Variants in ZNF717 observed in about 807,000 individuals in gnomAD.
ZNF717 encodes krueppel-like factor X17.
In ZNF717, 9 loss-of-function variants were observed where a neutral mutation model predicts 13.8. The observed-to-expected ratio is 0.65, with a 90% CI of 0.39 to 1.14. The LOEUF (loss-of-function observed/expected upper bound fraction) is 1.14. ZNF717 is among the 50% of genes most tolerant of loss of function. ZNF717 has a pLI of 0.01. For missense variants in ZNF717, 1,040 were observed against 1,080.7 expected, an observed-to-expected ratio of 0.96 and a Z score of 0.53; for synonymous variants, 327 against 364.1, an observed-to-expected ratio of 0.90 and a Z score of 1.16.
intron 2 of ZNF717, among the ~76,000 whole-genome samples, chr3:75,755,403 A>G (rs1942385544): frequency 6.6e-6 from 1 of 152,262 alleles, no homozygotes; most frequent in Non-Finnish European, 1.5e-5. Flanking sequence ...TAACACTAAT[A>G]AAAGGAATGG....
At chr3:75,733,869 GA>G (rs199927677), downstream of ZNF717, among the ~76,000 whole-genome samples, 54,138 of 117,850 alleles carry the variant, frequency 0.46, 9,377 homozygotes, top group South Asian at 0.6. Flanking sequence ...ATGCTGAGAG[GA>G]AAAAAAAAAA....
At chr3:75,727,173 G>C (rs1281826153), downstream of ZNF717, among the ~76,000 whole-genome samples, 1 of 152,256 alleles carries the variant, frequency 6.6e-6, no homozygotes, top group Non-Finnish European at 1.5e-5. Flanking sequence ...ATAAGCTGAG[G>C]ATGTATGTCG....
chr3:75,737,533 G>C lies in ZNF717; in HGVS notation c.2090C>G (p.Thr697Arg), dbSNP rs201345045. The C allele has an allele frequency of 4.2e-6, 6 of 1,430,054 alleles. No individual in the cohort carries two copies. The Admixed American group carries it at 1.2e-4, about 28-fold the overall frequency. The allele number at this position is 1,430,054 out of a possible 1,614,324, so 88.6% of individuals were successfully genotyped here. ...NHTLLYIREL[T>R]PGKSPMNVMN... ...TACATTCATAGGGCTTTTCCCCGGT[G>C]TGAGTTCTCTGATGTATAATAAGGT... is the stretch of plus-strand genomic sequence containing the variant. Residue 697 changes from threonine to arginine, a missense_variant, in exon 5 of 5, where the codon ACA (threonine) becomes AGA (arginine). Thr to Arg is a moderately conservative substitution (Grantham distance 71). Around this residue, in one of 3 missense-constraint regions of ZNF717, gnomAD observed 873 missense variants for 832.8 expected, o/e 1.05. Coordinates refer to ENST00000652011, the MANE Select transcript of ZNF717 (RefSeq NM_001290208.3).
rs142265598 is a variant in ZNF717 at position 75,741,327 on chromosome 3, G to A, written c.226C>T (p.Gln76Ter). ...TCTACTATCCATGGCTCTGCTCCTT[G>A]CTCTAGCTTGAAGATCATCTCAGGT... ...TKPEMIFKLE[Q>*]GAEPWIVEET... Residue 76 changes from glutamine to a stop codon, truncating the protein, a stop_gained, in exon 4 of 5, where the codon CAA (glutamine) becomes TAA (stop). Coordinates refer to ENST00000652011, the MANE Select transcript of ZNF717 (RefSeq NM_001290208.3). LOFTEE classifies it high-confidence loss of function. The A allele has an allele frequency of 1.3e-6, 2 of 1,514,478 alleles. No individual in the cohort carries two copies. The highest frequency in any genetic ancestry group is 1.8e-6 in the Non-Finnish European group (2 of 1,119,278). 93.8% of individuals were successfully genotyped at this position (1,514,478 alleles called of 1,614,324 possible).
chr3:75,748,501 A>G lies in ZNF717; in HGVS notation c.58-6765T>C, dbSNP rs375956272. 1.2e-4 allele frequency among the ~76,000 whole-genome samples: 19 copies of G among 152,254 alleles called. No homozygotes were observed. In the East Asian group the frequency reaches 1.4e-3, roughly 11 times the overall value. On this transcript the variant is annotated intron_variant, in intron 2 of 4. Transcript: ENST00000652011. ...AAAAAGCTTATCGACCATGATCAAG[A>G]TGGCTTCATCCCTGGGATGCAAGGC... is the stretch of plus-strand genomic sequence containing the variant.
At chr3:75,776,225 G>A (rs574667056) in intron 2 of ZNF717, among the ~76,000 whole-genome samples, 1 of 152,372 alleles carries the variant, frequency 6.6e-6, no homozygotes, top group East Asian at 1.9e-4. Flanking sequence ...TCATGGAAAA[G>A]AGAAAATGAT....
chr3:75,701,543 T>TAAA, intron 6 of ZNF717, among the ~76,000 whole-genome samples: 1 of 112,298 alleles, frequency 8.9e-6, no homozygotes, highest in African/African-American at 3.6e-5. Context: ...GGGGCAAAAT[T>TAAA]TAGCTGGGTG....
intron 4 of ZNF717, among the ~76,000 whole-genome samples, chr3:75,724,425 TAG>T (rs1938235132): frequency 6.7e-6 from 1 of 150,036 alleles, no homozygotes; most frequent in African/African-American, 2.4e-5. Context: ...ATATTTTTTG[TAG>T]AGATGGGGTT....
At chr3:75,719,727 C>A (rs1575721094) in intron 4 of ZNF717, among the ~76,000 whole-genome samples, 2 of 152,042 alleles carry the variant, frequency 1.3e-5, no homozygotes, top group Non-Finnish European at 2.9e-5. Flanking sequence ...GAGGCTGAGG[C>A]AGGTGGATCG....
chr3:75,768,358 T>G (rs1943645466), intron 2 of ZNF717, among the ~76,000 whole-genome samples: 4 of 18,954 alleles, frequency 2.1e-4, no homozygotes, highest in Admixed American at 5.7e-4. Flanking sequence ...TGTGGCTGAG[T>G]GTGGGGGGGG....
Position 75,756,513 on chromosome 3 carries a change from AG to A in ZNF717, c.58-14778del, listed in dbSNP as rs144284520. Among the ~76,000 whole-genome samples the A allele has an allele frequency of 5.2e-3, 785 of 152,390 alleles. 5 individuals are homozygous for A. Among genetic ancestry groups the A allele is most frequent in the African/African-American group, 0.018 (753 of 41,588 alleles). On this transcript the variant is annotated intron_variant, in intron 2 of 4. Transcript: ENST00000652011. ...ACACTTAGCCAAATTGTGAATGCAA[AG>A]GAAGTGTTCTTGAAAGAAATTTAAA...
intron 2 of ZNF717, among the ~76,000 whole-genome samples, chr3:75,757,544 G>T (rs896386852): frequency 2.4e-4 from 37 of 152,090 alleles, no homozygotes; most frequent in Admixed American, 2.4e-3. Flanking sequence ...AATGCTCCTG[G>T]TACTCAAGGG....
chr3:75,747,746 TAAG>T (rs1467511341), intron 2 of ZNF717, among the ~76,000 whole-genome samples: 1 of 152,150 alleles, frequency 6.6e-6, no homozygotes, highest in Non-Finnish European at 1.5e-5. Flanking sequence ...CTTATCAGCT[TAAG>T]GAGATTTTGG....
chr3:75,725,423 C>G (rs1310974199), downstream of ZNF717, among the ~76,000 whole-genome samples: 1 of 152,246 alleles, frequency 6.6e-6, no homozygotes, highest in Non-Finnish European at 1.5e-5. Flanking sequence ...CTAAGTTCCA[C>G]TCATATACAA....
Position 75,736,776 on chromosome 3 carries a change from G to T in ZNF717, c.*102C>A, listed in dbSNP as rs1171419517. 10 of 1,285,790 alleles carry T rather than the reference G, an allele frequency of 7.8e-6. No homozygotes were observed. The highest frequency in any genetic ancestry group is 5.1e-5 in the East Asian group (2 of 39,148). 79.6% of individuals were successfully genotyped at this position (1,285,790 alleles called of 1,614,324 possible). A position where few individuals can be genotyped will look rare whatever the true frequency, so the allele number is the denominator to read the frequency against. On this transcript the variant is annotated 3_prime_UTR_variant, in exon 5 of 5. Coordinates refer to ENST00000652011, the MANE Select transcript of ZNF717 (RefSeq NM_001290208.3). ...GTTACAGCATGGTTAAGACCTTCTT[G>T]TTGGTAGGCCAGGAGGTAATGGTCA...
At chr3:75,728,658 GCACT>G (rs1346486996), downstream of ZNF717, among the ~76,000 whole-genome samples, 3 of 152,220 alleles carry the variant, frequency 2.0e-5, no homozygotes, top group Non-Finnish European at 4.4e-5. Context: ...TTGTCTGCTT[GCACT>G]CATTGTCTCT....
chr3:75,774,634 T>C (rs1376903238), intron 2 of ZNF717, among the ~76,000 whole-genome samples: 1 of 144,314 alleles, frequency 6.9e-6, no homozygotes, highest in African/African-American at 2.6e-5. Context: ...TTTTTTTTTT[T>C]TTCTGAGACA....
At chr3:75,708,568 C>T (rs1281131722), downstream of ZNF717, among the ~76,000 whole-genome samples, 3 of 152,202 alleles carry the variant, frequency 2.0e-5, no homozygotes, top group African/African-American at 4.8e-5. Flanking sequence ...GCCTCTCCTC[C>T]TCCAAAGGAA....
At chr3:75,713,956 T>C (rs1937996812) in intron 5 of ZNF717, among the ~76,000 whole-genome samples, 1 of 152,102 alleles carries the variant, frequency 6.6e-6, no homozygotes, top group Non-Finnish European at 1.5e-5. Context: ...GTTTGGCAGC[T>C]GAGGTGGGGA....
Sources: gnomAD v4.1 joint callset for allele counts (sites outside exome capture counted in the v4.1 genomes callset) on GRCh38, gnomAD v4.1.1 for gene constraint, gnomAD v4.1.1 regional missense constraint, MANE v1.5 for transcripts, NCBI Gene and HGNC (gene_info 2026-07-23, HGNC 2026-07-21) for gene names.